Variants in ARNT2 observed in about 807,000 individuals in gnomAD.
The protein encoded by ARNT2 is aryl hydrocarbon receptor nuclear translocator 2.
ARNT2 carries 36 observed loss-of-function variants against 91.7 expected under a neutral mutation model. The ratio of observed to expected loss-of-function variants is 0.39; its 90% CI spans 0.30 to 0.52. The LOEUF (loss-of-function observed/expected upper bound fraction) is 0.52, where lower values mean the gene tolerates loss of function less well. Ranked by LOEUF, ARNT2 falls within the 20% of genes least tolerant of loss-of-function variation. The pLI is 0.72. For synonymous variants in ARNT2, 365 were observed against 347.1 expected (o/e 1.05, Z -0.57); for missense variants, 775 against 939.3 (o/e 0.83, Z 2.29).
chr15:80,557,496 T>C (rs1898213357), intron 11 of ARNT2, among the ~76,000 whole-genome samples: 1 of 152,076 alleles, frequency 6.6e-6, no homozygotes, highest in Non-Finnish European at 1.5e-5. Flanking sequence ...AAAATATAAC[T>C]ATTGGGTACT....
chr15:80,559,195 G>A (rs1472561170), intron 11 of ARNT2, among the ~76,000 whole-genome samples: 1 of 152,244 alleles, frequency 6.6e-6, no homozygotes, highest in Non-Finnish European at 1.5e-5. Flanking sequence ...GTTTTGAAAA[G>A]ACAAAGAAGG....
intron 2 of ARNT2, among the ~76,000 whole-genome samples, chr15:80,452,526 T>G (rs1001747949): frequency 2.0e-5 from 3 of 152,208 alleles, no homozygotes; most frequent in Non-Finnish European, 4.4e-5. Context: ...GGTGTCAACT[T>G]AATTGATTTT....
chr15:80,498,251 G>T (rs778192484), intron 5 of ARNT2, among the ~76,000 whole-genome samples: 9 of 152,142 alleles, frequency 5.9e-5, no homozygotes, highest in Non-Finnish European at 1.0e-4. Context: ...TTGGATCATT[G>T]CCCCCTACCC....
rs558095633 is a variant in ARNT2 at position 80,466,653 on chromosome 15, A to G, written c.195-3565A>G. ...TGTCCTTCTGTGTTCCCAAGATGGC[A>G]TCATCCCCGCTGCCTTGATGAAGGC... On this transcript the variant is annotated intron_variant, in intron 3 of 18. Transcript: ENST00000303329. 9.9e-5 allele frequency among the ~76,000 whole-genome samples: 15 copies of G among 151,696 alleles called. No individual in the cohort carries two copies. In the South Asian group the frequency reaches 2.6e-3, roughly 26 times the overall value.
chr15:80,571,421 G>C (rs1205837377), intron 12 of ARNT2, among the ~76,000 whole-genome samples: 1 of 152,166 alleles, frequency 6.6e-6, no homozygotes, highest in Non-Finnish European at 1.5e-5. Flanking sequence ...ATCTAGTCTT[G>C]CTCAGTCTTC....
intron 12 of ARNT2, among the ~76,000 whole-genome samples, chr15:80,569,367 G>C (rs77459947): frequency 1.3e-5 from 2 of 152,204 alleles, no homozygotes; most frequent in South Asian, 4.1e-4. Context: ...CCTCGCATGT[G>C]CTGTCAGTCA....
chr15:80,578,122 A>T (rs1898716445), intron 15 of ARNT2, among the ~76,000 whole-genome samples: 2 of 152,152 alleles, frequency 1.3e-5, no homozygotes, highest in Admixed American at 1.3e-4. Context: ...GCTCATGTTC[A>T]TGGGGTCCTT....
chr15:80,447,255 G>A (rs1032965402), intron 1 of ARNT2, among the ~76,000 whole-genome samples: 4 of 152,180 alleles, frequency 2.6e-5, no homozygotes, highest in African/African-American at 9.7e-5. Flanking sequence ...TGTCAGGGGT[G>A]TACATGTGCA....
At chr15:80,477,923 A>T (rs564140667) in intron 5 of ARNT2, among the ~76,000 whole-genome samples, 1 of 152,216 alleles carries the variant, frequency 6.6e-6, no homozygotes, top group Non-Finnish European at 1.5e-5. Flanking sequence ...GTGATCAAAG[A>T]TGTAAAAAAG....
At chr15:80,526,328 G>A (rs866316653) in intron 8 of ARNT2, among the ~76,000 whole-genome samples, 19 of 152,208 alleles carry the variant, frequency 1.2e-4, no homozygotes, top group Admixed American at 1.2e-3. Flanking sequence ...TTTCCATTTT[G>A]TGGGGTGCGT....
At chr15:80,580,202 A>G (rs1898765136) in intron 15 of ARNT2, 1 of 627,194 alleles carries the variant, frequency 1.6e-6, no homozygotes, top group Non-Finnish European at 2.8e-6. Context: ...TGGCAGGACT[A>G]CTCAGCAGTG....
intron 11 of ARNT2, 24 bp downstream of exon 11, chr15:80,555,163 AAAGCTGAT>A: frequency 1.9e-6 from 3 of 1,611,148 alleles, no homozygotes; most frequent in Non-Finnish European, 2.5e-6. Context: ...GTACCCACTT[AAAGCTGAT>A]GCATAGTCTG....
chr15:80,419,655 C>T (rs1041552437), intron 1 of ARNT2, among the ~76,000 whole-genome samples: 2 of 152,194 alleles, frequency 1.3e-5, no homozygotes, highest in Admixed American at 1.3e-4. Flanking sequence ...CCCTGGGACA[C>T]CCCTACCTTT....
chr15:80,521,309 A>G (rs539471901), intron 8 of ARNT2, among the ~76,000 whole-genome samples: 14 of 152,218 alleles, frequency 9.2e-5, no homozygotes, highest in Admixed American at 9.2e-4. Flanking sequence ...TTTTTTTTCT[A>G]AACAGGAGAA....
chr15:80,587,313 A>T (rs1031255220), intron 17 of ARNT2, among the ~76,000 whole-genome samples: 17 of 151,958 alleles, frequency 1.1e-4, no homozygotes, highest in African/African-American at 4.1e-4. Flanking sequence ...TAGGGGGTTC[A>T]GCAGCATCTC....
At chr15:80,526,453 T>C (rs1053745145) in intron 8 of ARNT2, among the ~76,000 whole-genome samples, 3 of 152,248 alleles carry the variant, frequency 2.0e-5, no homozygotes, top group Admixed American at 2.0e-4. Context: ...CCAAATGTCT[T>C]TTCTACAACA....
chr15:80,527,800 A>G (rs1230636182), intron 8 of ARNT2, among the ~76,000 whole-genome samples: 1 of 152,160 alleles, frequency 6.6e-6, no homozygotes, highest in Non-Finnish European at 1.5e-5. Context: ...TGCTTTCTCA[A>G]AGTGGGAGAG....
At chr15:80,419,605 G>A (rs183594390) in intron 1 of ARNT2, among the ~76,000 whole-genome samples, 14 of 152,326 alleles carry the variant, frequency 9.2e-5, no homozygotes, top group Admixed American at 2.0e-4. Flanking sequence ...GGTAGGAAGA[G>A]GAATCAGTGG....
rs768122306 is a variant in ARNT2, at chr15:80,581,092, G to C, written c.1753-147G>C. ...GCCCTCACACACCGGGCTGATCCCA[G>C]GCCTGTGCCTAGCCAGACAAGAGGG... is the stretch of plus-strand genomic sequence containing the variant. On this transcript the variant is annotated intron_variant, in intron 16 of 18. Coordinates refer to ENST00000303329, the MANE Select transcript of ARNT2 (RefSeq NM_014862.4). 3.1e-6 allele frequency: 3 copies of C among 975,248 alleles called. No individual in the cohort carries two copies. The East Asian group carries it at 7.7e-5, about 25-fold the overall frequency. 60.4% of individuals were successfully genotyped at this position (975,248 alleles called of 1,614,324 possible).
Sources: allele counts gnomAD v4.1 joint callset (sites outside exome capture counted in the v4.1 genomes callset), GRCh38; gene constraint gnomAD v4.1.1; transcripts MANE v1.5; gene names NCBI Gene and HGNC (gene_info 2026-07-23, HGNC 2026-07-21).